The following LEKR1 variants were observed in gnomAD, a reference collection of about 807,000 sequenced individuals.
LEKR1 encodes leucine, glutamate and lysine rich 1, also known as protein LEKR1.
Under a neutral mutation model 72.4 loss-of-function variants are expected in LEKR1, and 59 were observed. The observed-to-expected ratio is 0.82, with a 90% CI of 0.66 to 1.01. LEKR1 has a LOEUF of 1.01. LEKR1 is among the 50% of genes least tolerant of loss of function. The pLI is 0.00. For missense variants in LEKR1, 728 were observed against 759.2 expected (o/e 0.96, Z 0.48); for synonymous variants, 257 against 263.2 (o/e 0.98, Z 0.23).
At chr3:156,858,059 A>AT (rs758186451) in intron 3 of LEKR1, among the ~76,000 whole-genome samples, 8 of 152,020 alleles carry the variant, frequency 5.3e-5, no homozygotes, top group Non-Finnish European at 8.8e-5. Flanking sequence ...TTACTTATGG[A>AT]TTTTTTACCT....
chr3:157,024,814 C>A lies in LEKR1; in HGVS notation c.1258C>A (p.Gln420Lys), dbSNP rs751209060. 1.9e-6 allele frequency: 3 copies of A among 1,611,978 alleles called. No homozygotes were observed. The highest frequency in any genetic ancestry group is 2.5e-6 in the Non-Finnish European group (3 of 1,179,222). The stretch of plus-strand genomic sequence containing the variant: ...CCAACACTTGGTTGAATTTGAAGAG[C>A]AAGCTCTTCTCTTTAAGGAAGAAAC... ...RAQHLVEFEE[Q>K]ALLFKEETKL... Residue 420 changes from glutamine to lysine, a missense_variant, in exon 11 of 13, where the codon CAA becomes AAA. Coordinates refer to ENST00000356539, the MANE Select transcript of LEKR1 (RefSeq NM_001004316.3).
intron 3 of LEKR1, among the ~76,000 whole-genome samples, chr3:156,894,113 T>C (rs1203453892): frequency 6.6e-6 from 1 of 152,198 alleles, no homozygotes; most frequent in Non-Finnish European, 1.5e-5. Flanking sequence ...TGGAGCAGAC[T>C]TCATCTTGGT....
chr3:156,855,641 A>C (rs868028915), intron 3 of LEKR1, among the ~76,000 whole-genome samples: 22 of 152,282 alleles, frequency 1.4e-4, no homozygotes, highest in African/African-American at 4.8e-4. Context: ...CTGGTTGGTT[A>C]AGAGTTTTGT....
At chr3:156,976,693 G>A (rs1306463042) in intron 6 of LEKR1, among the ~76,000 whole-genome samples, 2 of 152,046 alleles carry the variant, frequency 1.3e-5, no homozygotes, top group East Asian at 1.9e-4. Context: ...ACACTCTTAT[G>A]GACAATATCA....
chr3:156,979,875 G>C (rs1333266167), intron 7 of LEKR1: 1 of 152,370 alleles, frequency 6.6e-6, no homozygotes, highest in Middle Eastern at 3.4e-3. Flanking sequence ...TTATCCATGC[G>C]TGTTGGCACA....
At chr3:156,878,959 A>T (rs569169937) in intron 3 of LEKR1, among the ~76,000 whole-genome samples, 2 of 152,186 alleles carry the variant, frequency 1.3e-5, no homozygotes, top group Non-Finnish European at 2.9e-5. Flanking sequence ...GTGATTAAAC[A>T]GTCCATTAAA....
chr3:156,952,015 A>C (rs1727201221), intron 6 of LEKR1, among the ~76,000 whole-genome samples: 3 of 151,532 alleles, frequency 2.0e-5, no homozygotes, highest in South Asian at 2.1e-4. Context: ...TGAGTGTATG[A>C]AAGTTGTATT....
chr3:156,847,201 A>G (rs1339838414), intron 2 of LEKR1, among the ~76,000 whole-genome samples: 1 of 152,236 alleles, frequency 6.6e-6, no homozygotes, highest in African/African-American at 2.4e-5. Flanking sequence ...GGAACTCTGG[A>G]AAGGATCTGA....
intron 10 of LEKR1, among the ~76,000 whole-genome samples, chr3:157,023,095 C>T (rs994166331): frequency 1.3e-5 from 2 of 151,862 alleles, no homozygotes; most frequent in Non-Finnish European, 2.9e-5. Context: ...TCATTGTTCT[C>T]TTGAGAAATT....
intron 6 of LEKR1, 84 bp downstream of exon 6, chr3:156,942,798 C>A (rs1253953753): frequency 5.2e-6 from 3 of 576,512 alleles, no homozygotes; most frequent in Non-Finnish European, 7.8e-6. Context: ...ATAATTACAA[C>A]AAAATCTTGT....
intron 6 of LEKR1, among the ~76,000 whole-genome samples, chr3:156,953,779 T>G (rs746643953): frequency 2.0e-5 from 3 of 151,908 alleles, no homozygotes; most frequent in Non-Finnish European, 4.4e-5. Flanking sequence ...TGATGGACAT[T>G]TAGGTTGATT....
intron 2 of LEKR1, among the ~76,000 whole-genome samples, chr3:156,848,495 G>C (rs1714910277): frequency 6.6e-6 from 1 of 152,100 alleles, no homozygotes; most frequent in Admixed American, 6.6e-5. Flanking sequence ...TTTTATGTAG[G>C]ATTACTAGAT....
intron 5 of LEKR1, among the ~76,000 whole-genome samples, chr3:156,940,581 C>T (rs2108580564): frequency 6.6e-6 from 1 of 152,240 alleles, no homozygotes; most frequent in East Asian, 1.9e-4. Flanking sequence ...CCCAGGATTG[C>T]CATAGGCAAA....
chr3:156,957,560 C>G (rs1363438024), intron 6 of LEKR1, among the ~76,000 whole-genome samples: 5 of 151,594 alleles, frequency 3.3e-5, no homozygotes, highest in African/African-American at 4.8e-5. Flanking sequence ...CAAAACAATA[C>G]AGTACTGTAA....
intron 11 of LEKR1, among the ~76,000 whole-genome samples, chr3:157,026,395 G>A (rs1734194487): frequency 6.6e-6 from 1 of 152,094 alleles, no homozygotes; most frequent in East Asian, 1.9e-4. Context: ...GATTTTGTAA[G>A]TGAAACCTCC....
intron 3 of LEKR1, among the ~76,000 whole-genome samples, chr3:156,915,099 G>C (rs1008849166): frequency 6.6e-6 from 1 of 152,054 alleles, no homozygotes; most frequent in Non-Finnish European, 1.5e-5. Flanking sequence ...CCCCATCCAT[G>C]TTCCTGCAAA....
intron 3 of LEKR1, among the ~76,000 whole-genome samples, chr3:156,904,258 T>C (rs1486975582): frequency 1.3e-5 from 2 of 152,154 alleles, no homozygotes; most frequent in African/African-American, 4.8e-5. Context: ...GACAATGTTT[T>C]ATATAAACAA....
At chr3:156,868,600 C>T (rs1213074849) in intron 3 of LEKR1, among the ~76,000 whole-genome samples, 1 of 151,980 alleles carries the variant, frequency 6.6e-6, no homozygotes, top group Admixed American at 6.6e-5. Context: ...AGAAGAGATG[C>T]ATAGAATGTG....
intron 6 of LEKR1, among the ~76,000 whole-genome samples, chr3:156,951,323 T>TG (rs1165050581): frequency 6.6e-5 from 10 of 151,104 alleles, no homozygotes; most frequent in African/African-American, 2.4e-4. Context: ...CCTGAATTTT[T>TG]TTGTGTGTGT....
Sources: gnomAD v4.1 joint callset for allele counts (sites outside exome capture counted in the v4.1 genomes callset) on GRCh38, gnomAD v4.1.1 for gene constraint, MANE v1.5 for transcripts, NCBI Gene and HGNC (gene_info 2026-07-23, HGNC 2026-07-21) for gene names.